Variants in OTOF observed in about 807,000 individuals in gnomAD.
The protein encoded by OTOF is otoferlin, also known as fer-1-like family member 2.
OTOF carries 218 observed loss-of-function variants against 236.8 expected under a neutral mutation model. That is an observed-to-expected ratio of 0.92 (90% CI 0.82 to 1.03). The LOEUF (loss-of-function observed/expected upper bound fraction) is 1.03, where lower values mean the gene tolerates loss of function less well. OTOF is among the 50% of genes least tolerant of loss of function. OTOF has a pLI of 0.00. For missense variants in OTOF, 2,590 were observed against 2,694.4 expected (o/e 0.96, Z 0.86); for synonymous variants, 1,041 against 1,072.5 (o/e 0.97, Z 0.57).
chr2:26,533,430 GTCTC>G (rs1190511498), intron 2 of OTOF, among the ~76,000 whole-genome samples: 1 of 151,722 alleles, frequency 6.6e-6, no homozygotes, highest in Non-Finnish European at 1.5e-5. Flanking sequence ...CTGTGTCTCT[GTCTC>G]TCTCTCTCTG....
chr2:26,477,641 C>T lies in OTOF; in HGVS notation c.2315+8G>A. 6.2e-7 allele frequency: 1 copy of T among 1,612,278 alleles called. No homozygotes were observed. The highest frequency in any genetic ancestry group is 1.1e-5 in the South Asian group (1 of 91,074). Reference sequence around the variant, plus strand: ...TCCTCCCCCCACCTGCCGCCCCTCCCTTCTCACCAGCAGCCACAGCTCAGC... The same window carrying T: ...TCCTCCCCCCACCTGCCGCCCCTCCTTTCTCACCAGCAGCCACAGCTCAGC... On this transcript the variant is annotated splice_region_variant and intron_variant, in intron 19 of 46. Coordinates refer to ENST00000272371, the MANE Select transcript of OTOF (RefSeq NM_194248.3). This position sits in a 1 kb window ranked among gnomAD's most constrained non-coding sequence, Gnocchi z 4.7.
chr2:26,512,166 G>C (rs1443749217), intron 5 of OTOF, among the ~76,000 whole-genome samples: 1 of 152,210 alleles, frequency 6.6e-6, no homozygotes, highest in Non-Finnish European at 1.5e-5. Flanking sequence ...GAAGGAGGTG[G>C]GGGTCGTGGA....
At chr2:26,518,613 G>A (rs1165542709) in intron 4 of OTOF, among the ~76,000 whole-genome samples, 1 of 152,264 alleles carries the variant, frequency 6.6e-6, no homozygotes. Context: ...AGGAAATGAG[G>A]TCCCTGCCCT....
intron 5 of OTOF, among the ~76,000 whole-genome samples, chr2:26,507,915 A>G (rs1301780027): frequency 2.6e-5 from 4 of 152,232 alleles, no homozygotes; most frequent in African/African-American, 7.2e-5. Flanking sequence ...CGCTCATTTT[A>G]TGGCCCAGAT....
At chr2:26,508,552 T>C (rs1405081274) in intron 5 of OTOF, among the ~76,000 whole-genome samples, 3 of 152,242 alleles carry the variant, frequency 2.0e-5, no homozygotes, top group Non-Finnish European at 4.4e-5. Context: ...TCAGGGAAGC[T>C]GGCTCTTCAG....
chr2:26,533,420 CTG>C (rs1340484932), intron 2 of OTOF, among the ~76,000 whole-genome samples: 2 of 152,090 alleles, frequency 1.3e-5, no homozygotes, highest in African/African-American at 4.8e-5. Context: ...GGCTGGGTCT[CTG>C]TGTCTCTGTC....
chr2:26,484,772 C>G (rs980937186), intron 11 of OTOF, 139 bp from the exon 12 acceptor site: 13 of 807,474 alleles, frequency 1.6e-5, no homozygotes, highest in Non-Finnish European at 2.6e-5. Flanking sequence ...ACAGCTCTGC[C>G]TGTCCCTAGC....
intron 1 of OTOF, among the ~76,000 whole-genome samples, chr2:26,546,984 G>C (rs1667348558): frequency 6.6e-6 from 1 of 152,132 alleles, no homozygotes; most frequent in Admixed American, 6.5e-5. Flanking sequence ...CAATCTGTAG[G>C]AGTTGTTTTT....
chr2:26,459,521 T>C (rs10173802), intron 46 of OTOF, among the ~76,000 whole-genome samples: 2,883 of 137,798 alleles, frequency 0.021, 91 homozygotes, highest in African/African-American at 0.073. Flanking sequence ...CACTGCACTC[T>C]AGCCTGGGCG....
In OTOF at chr2:26,477,831, G is replaced by A; in HGVS notation, c.2215-82C>T. ...CAAATGCCTCCTCCCTGTTGATCAGGGGAGTGAGGGACCTCATGATCTGGG... is the reference window on the plus strand; with the variant it reads ...CAAATGCCTCCTCCCTGTTGATCAGAGGAGTGAGGGACCTCATGATCTGGG... On this transcript the variant is annotated intron_variant, in intron 18 of 46. Coordinates refer to ENST00000272371, the MANE Select transcript of OTOF (RefSeq NM_194248.3). The surrounding 1 kb of genome is among the most constrained non-coding windows in gnomAD (Gnocchi z 4.7). The A allele has an allele frequency of 3.2e-6, 5 of 1,580,662 alleles. No individual in the cohort carries two copies. Among genetic ancestry groups the A allele is most frequent in the African/African-American group, 1.3e-5 (1 of 74,146 alleles).
chr2:26,464,017 C>G lies in OTOF; in HGVS notation c.5050G>C (p.Glu1684Gln). The G allele has an allele frequency of 1.2e-6, 2 of 1,613,800 alleles. No homozygotes were observed. Among genetic ancestry groups the G allele is most frequent in the Non-Finnish European group, 8.5e-7 (1 of 1,180,024 alleles). The change falls in exon 40 of 47, where the codon GAG (glutamate) becomes CAG (glutamine). Residue 1684 changes from glutamate (E) to glutamine (Q), a missense_variant. Glu to Gln is a conservative substitution (Grantham distance 29). Transcript: ENST00000272371. ...AGCAGCGGCCTCGTCTCCACATGCTCTGGCACCAGGCGGCAGCCTGCGCGG... is the reference window on the plus strand; with the variant it reads ...AGCAGCGGCCTCGTCTCCACATGCTGTGGCACCAGGCGGCAGCCTGCGCGG... ...IPRAGCRLVP[E>Q]HVETRPLLNP... is the part of the protein sequence containing the mutation.
intron 1 of OTOF, among the ~76,000 whole-genome samples, chr2:26,557,340 G>T (rs555443145): frequency 1.3e-5 from 2 of 152,150 alleles, no homozygotes; most frequent in Non-Finnish European, 2.9e-5. Context: ...CCCCTCTCTC[G>T]GGAGAAGGGG....
intron 12 of OTOF, among the ~76,000 whole-genome samples, chr2:26,484,030 C>T (rs964448989): frequency 7.9e-5 from 12 of 152,206 alleles, no homozygotes; most frequent in African/African-American, 2.2e-4. Flanking sequence ...ACAGTAGCCA[C>T]TCTCTCTCCC....
At chr2:26,510,965 G>A (rs747158007) in intron 5 of OTOF, among the ~76,000 whole-genome samples, 1 of 152,236 alleles carries the variant, frequency 6.6e-6, no homozygotes, top group African/African-American at 2.4e-5. Context: ...GAGATGGGAG[G>A]GGCCCACAGT....
intron 41 of OTOF, 49 bp downstream of exon 41, chr2:26,463,434 T>G: frequency 6.9e-7 from 1 of 1,442,618 alleles, no homozygotes; most frequent in Non-Finnish European, 9.6e-7. Flanking sequence ...TGGTGGGAAG[T>G]GGGTGGGGTG....
chr2:26,479,467 G>A lies in OTOF; in HGVS notation c.2093+6C>T. The A allele has an allele frequency of 6.2e-7, 1 of 1,602,296 alleles. No homozygotes were observed. The highest frequency in any genetic ancestry group is 8.5e-7 in the Non-Finnish European group (1 of 1,175,358). On this transcript the variant is annotated splice_donor_region_variant and intron_variant, in intron 17 of 46. Coordinates refer to ENST00000272371, the MANE Select transcript of OTOF (RefSeq NM_194248.3). ...AGGCCACAGGAGGATGGGAGGCTGG[G>A]CCCACCTGTCGGTGACCTGGGGCCG... is the stretch of plus-strand genomic sequence containing the variant.
intron 11 of OTOF, among the ~76,000 whole-genome samples, chr2:26,486,216 G>A (rs1665696345): frequency 6.6e-6 from 1 of 150,832 alleles, no homozygotes. Context: ...GTAGGTGGAT[G>A]GATCTGTGGA....
intron 1 of OTOF, among the ~76,000 whole-genome samples, chr2:26,539,626 T>C (rs1335568422): frequency 6.6e-6 from 1 of 152,046 alleles, no homozygotes; most frequent in African/African-American, 2.4e-5. Flanking sequence ...TCCCAGCTAC[T>C]CAAGAGGCCG....
chr2:26,484,822 C>A (rs1665662999), intron 11 of OTOF, among the ~76,000 whole-genome samples, 189 bp from the exon 12 acceptor site: 1 of 152,202 alleles, frequency 6.6e-6, no homozygotes, highest in African/African-American at 2.4e-5. Flanking sequence ...GGAGCTGGGG[C>A]AGTGGGTGCA....
Sources: allele counts gnomAD v4.1 joint callset (sites outside exome capture counted in the v4.1 genomes callset), GRCh38; gene constraint gnomAD v4.1.1; non-coding constraint Gnocchi (gnomAD v3.1); transcripts MANE v1.5; gene names NCBI Gene and HGNC (gene_info 2026-07-23, HGNC 2026-07-21).